ARHGAP35: variants seen among roughly 807,000 people sequenced by gnomAD.
The protein encoded by ARHGAP35 is rho GTPase-activating protein 35.
In ARHGAP35, 15 loss-of-function variants were observed where a neutral mutation model predicts 111.1. That is an observed-to-expected ratio of 0.13 (90% CI 0.09 to 0.21). ARHGAP35 has a LOEUF of 0.21. ARHGAP35 is among the 10% of genes least tolerant of loss of function. The pLI is 1.00. For missense variants in ARHGAP35, 1,262 were observed against 1,873.0 expected (o/e 0.67, Z 6.02); for synonymous variants, 643 against 710.3 (o/e 0.91, Z 1.51).
rs1424350005 is a variant in ARHGAP35, at chr19:46,993,301, C to T, written c.4036+3626C>T. On this transcript the variant is annotated intron_variant, in intron 5 of 6. Transcript: ENST00000672722. This position sits in a 1 kb window ranked among gnomAD's most constrained non-coding sequence, Gnocchi z 4.6. ...GACCTTGAGCCGGGCTTTCCCTTTC[C>T]TGGCGATGCAGGCGTGCAGATGGTC... Among the ~76,000 whole-genome samples, 1 of 152,238 alleles carries T rather than the reference C, an allele frequency of 6.6e-6. No homozygotes were observed. Among genetic ancestry groups the T allele is most frequent in the Non-Finnish European group, 1.5e-5 (1 of 68,032 alleles).
At chr19:46,977,847 C>G (rs1042860281) in intron 3 of ARHGAP35, among the ~76,000 whole-genome samples, 3 of 152,230 alleles carry the variant, frequency 2.0e-5, no homozygotes, top group African/African-American at 4.8e-5. Flanking sequence ...GAATACAACT[C>G]ACAGAGCTGG....
chr19:46,963,790 T>G (rs1177510869), intron 3 of ARHGAP35, among the ~76,000 whole-genome samples: 1 of 152,236 alleles, frequency 6.6e-6, no homozygotes, highest in Non-Finnish European at 1.5e-5. Context: ...AATGGTTTAT[T>G]GCTGTGATAC....
At chr19:46,934,721 G>A (rs2056295021) in intron 2 of ARHGAP35, among the ~76,000 whole-genome samples, 1 of 152,116 alleles carries the variant, frequency 6.6e-6, no homozygotes, top group Non-Finnish European at 1.5e-5. Context: ...CCAGGCTGGA[G>A]TGCAGTGGCA....
chr19:46,886,271 T>C lies in ARHGAP35; in HGVS notation c.-189+25062T>C, dbSNP rs190934707. Among the ~76,000 whole-genome samples the C allele has an allele frequency of 3.9e-5, 6 of 152,344 alleles. No homozygotes were observed. In the East Asian group the frequency reaches 1.2e-3, roughly 29 times the overall value. ...TTCATTATGGTAACCACCAGTCACG[T>C]GTTGCTACTTGAAATGTAGCTAGTG... On this transcript the variant is annotated intron_variant, in intron 1 of 6. Transcript: ENST00000672722.
intron 1 of ARHGAP35, among the ~76,000 whole-genome samples, chr19:46,874,560 A>G (rs1289819949): frequency 1.4e-5 from 2 of 147,920 alleles, no homozygotes; most frequent in African/African-American, 5.0e-5. Context: ...CTGGAGTACA[A>G]TGGCACAATC....
intron 3 of ARHGAP35, among the ~76,000 whole-genome samples, chr19:46,953,845 C>G (rs781753162): frequency 1.3e-5 from 2 of 152,224 alleles, no homozygotes; most frequent in African/African-American, 4.8e-5. Flanking sequence ...TCACACTGGA[C>G]TCCTTAGCAC....
At chr19:46,985,168 C>A (rs2056642442) in intron 3 of ARHGAP35, among the ~76,000 whole-genome samples, 1 of 152,138 alleles carries the variant, frequency 6.6e-6, no homozygotes, top group Admixed American at 6.5e-5. Context: ...ATACCCAAGG[C>A]TTGCTCATAT....
At chr19:46,995,482 C>T (rs568091513) in intron 5 of ARHGAP35, among the ~76,000 whole-genome samples, 1 of 152,260 alleles carries the variant, frequency 6.6e-6, no homozygotes, top group Non-Finnish European at 1.5e-5. Context: ...AGGATTACTA[C>T]AGTCAGAGAG....
At chr19:46,972,208 G>A (rs971315159) in intron 3 of ARHGAP35, among the ~76,000 whole-genome samples, 28 of 152,014 alleles carry the variant, frequency 1.8e-4, no homozygotes, top group Non-Finnish European at 2.6e-4. Context: ...ATGAGGTTTC[G>A]CCATGTTGGC....
intron 1 of ARHGAP35, among the ~76,000 whole-genome samples, chr19:46,870,858 G>A (rs1322398076): frequency 2.0e-5 from 3 of 151,962 alleles, no homozygotes; most frequent in African/African-American, 7.3e-5. Context: ...AAAAAAATAA[G>A]GTATAATCTA....
chr19:46,973,721 C>T (rs2056564833), intron 3 of ARHGAP35, among the ~76,000 whole-genome samples: 1 of 146,702 alleles, frequency 6.8e-6, no homozygotes, highest in East Asian at 2.1e-4. Flanking sequence ...GGCACAATGG[C>T]TTATGTCTGT....
In ARHGAP35 at chr19:46,994,552, C is replaced by G. The variant is rs569645159; in HGVS notation, c.4037-4752C>G. The stretch of plus-strand genomic sequence containing the variant: ...ATAGCCCAGTCAGCACCGTGCTCAG[C>G]AAGTAGCAGCCAGCCAGAGGCGCCG... On this transcript the variant is annotated intron_variant, in intron 5 of 6. Coordinates refer to ENST00000672722, the MANE Select transcript of ARHGAP35 (RefSeq NM_004491.5). The surrounding 1 kb of genome is among the most constrained non-coding windows in gnomAD (Gnocchi z 5.4). Among the ~76,000 whole-genome samples, 263 of 152,280 alleles carry G rather than the reference C, an allele frequency of 1.7e-3. 2 individuals are homozygous for G. Among genetic ancestry groups the G allele is most frequent in the African/African-American group, 6.1e-3 (252 of 41,560 alleles).
chr19:46,984,830 C>T (rs915333182), intron 3 of ARHGAP35, among the ~76,000 whole-genome samples: 2 of 152,208 alleles, frequency 1.3e-5, no homozygotes, highest in Non-Finnish European at 2.9e-5. Flanking sequence ...ATTTGCAGTT[C>T]GTCTCCTGCC....
chr19:46,870,954 A>C (rs1488385032), intron 1 of ARHGAP35, among the ~76,000 whole-genome samples: 1 of 152,196 alleles, frequency 6.6e-6, no homozygotes, highest in African/African-American at 2.4e-5. Context: ...GATGGGGCAT[A>C]ATTCCCTTTT....
intron 3 of ARHGAP35, among the ~76,000 whole-genome samples, chr19:46,974,451 G>A (rs1441085143): frequency 1.3e-5 from 2 of 152,082 alleles, no homozygotes; most frequent in Non-Finnish European, 2.9e-5. Context: ...TCAAGAAAAC[G>A]CTTAACATAC....
chr19:46,984,294 G>A (rs1458166457), intron 3 of ARHGAP35, among the ~76,000 whole-genome samples: 1 of 152,192 alleles, frequency 6.6e-6, no homozygotes, highest in African/African-American at 2.4e-5. Flanking sequence ...ACTGGCGGGT[G>A]TGGGCCAGAG....
At chr19:46,869,578 G>A (rs1167817219) in intron 1 of ARHGAP35, among the ~76,000 whole-genome samples, 2 of 151,778 alleles carry the variant, frequency 1.3e-5, no homozygotes, top group African/African-American at 4.8e-5. Context: ...TAAAAGAAAG[G>A]TCAAAACTGT....
intron 2 of ARHGAP35, among the ~76,000 whole-genome samples, chr19:46,928,742 G>A (rs2056253695): frequency 6.6e-6 from 1 of 152,064 alleles, no homozygotes; most frequent in Admixed American, 6.5e-5. Context: ...GACCAGCCTG[G>A]CCAACATGGC....
intron 3 of ARHGAP35, among the ~76,000 whole-genome samples, chr19:46,974,815 C>T (rs1363970269): frequency 6.6e-6 from 1 of 152,136 alleles, no homozygotes. Context: ...CCATATCCTG[C>T]ACTATCTAGG....
Sources: allele counts gnomAD v4.1 joint callset (sites outside exome capture counted in the v4.1 genomes callset), GRCh38; gene constraint gnomAD v4.1.1; non-coding constraint Gnocchi (gnomAD v3.1); transcripts MANE v1.5; gene names NCBI Gene and HGNC (gene_info 2026-07-23, HGNC 2026-07-21).